The following MACROD2 variants were observed in gnomAD, a reference collection of about 807,000 sequenced individuals.
MACROD2 encodes ADP-ribose glycohydrolase MACROD2.
In MACROD2, 36 loss-of-function variants were observed where a neutral mutation model predicts 70.4. The observed-to-expected ratio is 0.51, with a 90% CI of 0.39 to 0.68. The LOEUF (loss-of-function observed/expected upper bound fraction) is 0.68, where lower values mean the gene tolerates loss of function less well. MACROD2 is among the 30% of genes least tolerant of loss of function. The pLI is 0.00. For missense variants in MACROD2, 496 were observed against 538.4 expected (o/e 0.92, Z 0.78); for synonymous variants, 172 against 178.8 (o/e 0.96, Z 0.30).
At chr20:15,833,040 T>C (rs1057285752) in intron 8 of MACROD2, among the ~76,000 whole-genome samples, 2 of 152,168 alleles carry the variant, frequency 1.3e-5, no homozygotes, top group African/African-American at 4.8e-5. Flanking sequence ...CCTTTCAGTG[T>C]AAAATTATCT....
intron 8 of MACROD2, among the ~76,000 whole-genome samples, chr20:15,723,358 CAA>C (rs2050816071): frequency 6.6e-6 from 1 of 152,122 alleles, no homozygotes; most frequent in Admixed American, 6.5e-5. Flanking sequence ...TGGGTTTGGA[CAA>C]ATGTCTAATG....
At chr20:14,309,639 G>A (rs751237349) in intron 3 of MACROD2, among the ~76,000 whole-genome samples, 3 of 152,014 alleles carry the variant, frequency 2.0e-5, no homozygotes, top group Non-Finnish European at 2.9e-5. Context: ...CCAAATTCAC[G>A]CATTTAGCCA....
intron 3 of MACROD2, among the ~76,000 whole-genome samples, chr20:14,244,008 G>A (rs1005436166): frequency 7.9e-5 from 12 of 152,234 alleles, no homozygotes; most frequent in Non-Finnish European, 1.3e-4. Context: ...GTAAGGAGGT[G>A]GTGAGTCCTT....
intron 3 of MACROD2, among the ~76,000 whole-genome samples, chr20:14,240,677 C>A (rs1195654331): frequency 6.6e-6 from 1 of 151,940 alleles, no homozygotes; most frequent in Admixed American, 6.6e-5. Flanking sequence ...CAAAAGATAC[C>A]CAGGCCTACT....
At chr20:14,146,629 A>G (rs1381495186) in intron 3 of MACROD2, among the ~76,000 whole-genome samples, 1 of 152,198 alleles carries the variant, frequency 6.6e-6, no homozygotes, top group East Asian at 1.9e-4. Context: ...ATAAAATCCT[A>G]CTTTAACACC....
chr20:15,390,412 A>G (rs2045777170), intron 6 of MACROD2, among the ~76,000 whole-genome samples: 1 of 152,046 alleles, frequency 6.6e-6, no homozygotes, highest in Admixed American at 6.6e-5. Context: ...ATAATGTTGC[A>G]TATATATTGT....
At chr20:14,874,106 T>C (rs2073521059) in intron 5 of MACROD2, among the ~76,000 whole-genome samples, 1 of 152,044 alleles carries the variant, frequency 6.6e-6, no homozygotes, top group Non-Finnish European at 1.5e-5. Flanking sequence ...TAGGAGAATA[T>C]ATTTATATCT....
At chr20:15,150,709 G>A (rs1050606519) in intron 5 of MACROD2, among the ~76,000 whole-genome samples, 19 of 151,892 alleles carry the variant, frequency 1.3e-4, no homozygotes, top group Admixed American at 2.6e-4. Flanking sequence ...TGCAAAGGAG[G>A]CTTTGGATTG....
intron 3 of MACROD2, among the ~76,000 whole-genome samples, chr20:14,260,782 T>A (rs535628610): frequency 6.6e-6 from 1 of 152,370 alleles, no homozygotes; most frequent in East Asian, 1.9e-4. Flanking sequence ...TATGCTCTTG[T>A]GAGCATTAAA....
chr20:15,049,518 T>G (rs1368751374), intron 5 of MACROD2, among the ~76,000 whole-genome samples: 1 of 152,168 alleles, frequency 6.6e-6, no homozygotes, highest in Admixed American at 6.5e-5. Flanking sequence ...AGAAGCTAAA[T>G]CAGAAACTTT....
chr20:15,223,421 C>G (rs750361302), intron 5 of MACROD2, among the ~76,000 whole-genome samples: 6 of 152,128 alleles, frequency 3.9e-5, no homozygotes, highest in Non-Finnish European at 8.8e-5. Flanking sequence ...CCATGTCTGC[C>G]CTTTCCTCTG....
chr20:14,269,104 CG>C (rs1229959346), intron 3 of MACROD2, among the ~76,000 whole-genome samples: 2 of 152,128 alleles, frequency 1.3e-5, no homozygotes, highest in East Asian at 3.8e-4. Flanking sequence ...TTTGGTGATA[CG>C]AGCTGCTTTG....
At chr20:15,192,395 C>A (rs1048203109) in intron 5 of MACROD2, among the ~76,000 whole-genome samples, 1 of 152,214 alleles carries the variant, frequency 6.6e-6, no homozygotes, top group Non-Finnish European at 1.5e-5. Context: ...TCAAATCAAA[C>A]TGTTGTTCCT....
chr20:15,591,548 C>T (rs915642002), intron 8 of MACROD2, among the ~76,000 whole-genome samples: 3 of 123,258 alleles, frequency 2.4e-5, no homozygotes, highest in Non-Finnish European at 4.7e-5. Flanking sequence ...TCACAGCCAA[C>T]TTACGGTTTA....
chr20:14,756,250 A>C (rs2071938992), intron 5 of MACROD2, among the ~76,000 whole-genome samples: 1 of 151,602 alleles, frequency 6.6e-6, no homozygotes. Context: ...CCCTCTTTCT[A>C]GGTTACTTTT....
chr20:15,992,647 C>T (rs1275668589), intron 15 of MACROD2, among the ~76,000 whole-genome samples: 1 of 152,180 alleles, frequency 6.6e-6, no homozygotes, highest in African/African-American at 2.4e-5. Flanking sequence ...CATCCTGTAT[C>T]GCCCTTTGTC....
At chr20:14,395,390 CATA>C (rs1275258752) in intron 3 of MACROD2, among the ~76,000 whole-genome samples, 1 of 152,078 alleles carries the variant, frequency 6.6e-6, no homozygotes, top group Non-Finnish European at 1.5e-5. Context: ...CAGAGCTATT[CATA>C]ATATTTTCTT....
chr20:15,156,507 A>T (rs1258536939), intron 5 of MACROD2, among the ~76,000 whole-genome samples: 2 of 151,956 alleles, frequency 1.3e-5, no homozygotes, highest in African/African-American at 4.8e-5. Flanking sequence ...TATCCCCTTG[A>T]CTCACCCCAA....
chr20:15,908,967 T>C (rs1370325907), intron 10 of MACROD2, among the ~76,000 whole-genome samples: 2 of 152,260 alleles, frequency 1.3e-5, no homozygotes, highest in African/African-American at 4.8e-5. Context: ...GTATAAAACT[T>C]GTTGGCTTAA....
Sources: gnomAD v4.1 joint callset for allele counts (sites outside exome capture counted in the v4.1 genomes callset) on GRCh38, gnomAD v4.1.1 for gene constraint, MANE v1.5 for transcripts, NCBI Gene and HGNC (gene_info 2026-07-23, HGNC 2026-07-21) for gene names.